SATB1: variants seen among roughly 807,000 people sequenced by gnomAD.
SATB1 encodes the protein DNA-binding protein SATB1.
In SATB1, 11 loss-of-function variants were observed where a neutral mutation model predicts 86.9. The observed-to-expected ratio is 0.13, with a 90% CI of 0.08 to 0.21. The LOEUF (loss-of-function observed/expected upper bound fraction) is 0.21, where lower values mean the gene tolerates loss of function less well. Ranked by LOEUF, SATB1 falls within the 10% of genes least tolerant of loss-of-function variation. The pLI, the probability that SATB1 is intolerant of heterozygous loss-of-function variation, is 1.00. For missense variants in SATB1, 551 were observed against 937.6 expected, an observed-to-expected ratio of 0.59 and a Z score of 5.39; for synonymous variants, 357 against 357.2, an observed-to-expected ratio of 1.00 and a Z score of 0.01.
Position 18,349,175 on chromosome 3 carries a change from C to A in SATB1, c.2287G>T (p.Asp763Tyr). 2 of 1,612,890 alleles carry A rather than the reference C, an allele frequency of 1.2e-6. No homozygotes were observed. Among genetic ancestry groups the A allele is most frequent in the Non-Finnish European group, 1.7e-6 (2 of 1,179,382 alleles). The change falls in exon 11 of 11, where the codon GAC becomes TAC. Residue 763 changes from aspartate to tyrosine, a missense_variant. Asp to Tyr is a radical substitution (Grantham distance 160, BLOSUM62 -3). Coordinates refer to ENST00000338745, the MANE Select transcript of SATB1 (RefSeq NM_002971.6). The surrounding 1 kb of genome is among the most constrained non-coding windows in gnomAD (Gnocchi z 5.5). ...GNTDINTDLK[D>Y] ...ACGAAACAAATACTTTTATCTCAGT[C>A]TTTCAAATCAGTATTAATGTCTGTG... is the stretch of plus-strand genomic sequence containing the variant.
intron 9 of SATB1, among the ~76,000 whole-genome samples, chr3:18,357,308 G>C (rs776539802): frequency 2.6e-5 from 4 of 151,702 alleles, no homozygotes; most frequent in African/African-American, 4.8e-5. Context: ...GCAAGTAGTA[G>C]GAACAAGGAT....
upstream of SATB1, among the ~76,000 whole-genome samples, chr3:18,430,248 A>G (rs138261344): frequency 7.2e-5 from 11 of 152,298 alleles, no homozygotes; most frequent in African/African-American, 1.9e-4. Context: ...CCTGGCCAGG[A>G]GGAGTCTTAG....
chr3:18,442,469 G>A (rs188095195), upstream of SATB1, among the ~76,000 whole-genome samples: 265 of 152,214 alleles, frequency 1.7e-3, 3 homozygotes, highest in African/African-American at 6.0e-3. Flanking sequence ...GTCAAATGAA[G>A]ATGAAGAATA....
intron 8 of SATB1, among the ~76,000 whole-genome samples, chr3:18,382,914 A>C (rs1288070697): frequency 6.6e-6 from 1 of 151,986 alleles, no homozygotes; most frequent in Non-Finnish European, 1.5e-5. Context: ...GGATTTGAAA[A>C]CTCTGACTCA....
At chr3:18,416,494 A>T (rs1698121096) in intron 3 of SATB1, among the ~76,000 whole-genome samples, 2 of 152,160 alleles carry the variant, frequency 1.3e-5, no homozygotes, top group Admixed American at 1.3e-4. Context: ...AGTGGGAATC[A>T]GCATTGAAAA....
intron 9 of SATB1, among the ~76,000 whole-genome samples, chr3:18,359,229 A>G (rs1694794517): frequency 6.6e-6 from 1 of 152,022 alleles, no homozygotes; most frequent in Admixed American, 6.6e-5. Context: ...GGTTTTTCTT[A>G]GGCTACAAAT....
At position 18,363,180 on chromosome 3, in the gene SATB1, A is replaced by T. The variant is rs76923573; in HGVS notation, c.1576-10985T>A. Among the ~76,000 whole-genome samples the T allele has an allele frequency of 2.2e-4, 33 of 152,258 alleles. No individual in the cohort carries two copies. The East Asian group carries it at 6.4e-3, about 29-fold the overall frequency. ...AAAATTTTTAAAAGCAGGGCAAGGCAATTTGGGACTGTAAAAGTTAGGGAA... is the reference window on the plus strand; with the variant it reads ...AAAATTTTTAAAAGCAGGGCAAGGCTATTTGGGACTGTAAAAGTTAGGGAA... On this transcript the variant is annotated intron_variant, in intron 9 of 10. Coordinates refer to ENST00000338745, the MANE Select transcript of SATB1 (RefSeq NM_002971.6).
chr3:18,403,938 T>G (rs1697394493), intron 5 of SATB1, among the ~76,000 whole-genome samples: 2 of 152,054 alleles, frequency 1.3e-5, no homozygotes, highest in Admixed American at 1.3e-4. Context: ...GCCTGATTTT[T>G]TACAGCAGCT....
At chr3:18,358,079 A>AT (rs1374721138) in intron 9 of SATB1, among the ~76,000 whole-genome samples, 2 of 151,946 alleles carry the variant, frequency 1.3e-5, no homozygotes, top group East Asian at 1.9e-4. Context: ...CATCTAGACC[A>AT]TTTTTTGGTG....
intron 2 of SATB1, among the ~76,000 whole-genome samples, chr3:18,419,793 A>G (rs569814000): frequency 6.6e-6 from 1 of 152,348 alleles, no homozygotes; most frequent in Non-Finnish European, 1.5e-5. Context: ...TTTAATAGAT[A>G]AAGATCTAAC....
At chr3:18,422,407 T>C (rs926402555) in intron 1 of SATB1, among the ~76,000 whole-genome samples, 6 of 152,202 alleles carry the variant, frequency 3.9e-5, no homozygotes, top group Non-Finnish European at 5.9e-5. Flanking sequence ...AGAATGCCAA[T>C]TGAAGAACTA....
At chr3:18,396,100 A>T (rs1465876336) in intron 6 of SATB1, among the ~76,000 whole-genome samples, 1 of 152,350 alleles carries the variant, frequency 6.6e-6, no homozygotes, top group African/African-American at 2.4e-5. Flanking sequence ...TCTACCAGTG[A>T]TATCAGCCCA....
chr3:18,351,878 C>T, intron 10 of SATB1, 114 bp downstream of exon 10: 1 of 954,888 alleles, frequency 1.0e-6, no homozygotes, highest in Admixed American at 1.9e-5. Flanking sequence ...ATTGTTATCT[C>T]TTGCTAAAAA....
intron 2 of SATB1, chr3:18,417,588 T>C: frequency 3.1e-6 from 2 of 655,422 alleles, no homozygotes; most frequent in Non-Finnish European, 2.7e-6. Context: ...TTTTAGATAT[T>C]AACTCTAACT....
chr3:18,443,635 G>C, upstream of SATB1, among the ~76,000 whole-genome samples: 1 of 152,160 alleles, frequency 6.6e-6, no homozygotes, highest in East Asian at 1.9e-4. This position sits in a 1 kb window ranked among gnomAD's most constrained non-coding sequence, Gnocchi z 4.4. Flanking sequence ...TCCCCAGTAA[G>C]CACGTGGCAC....
rs75506707 is a variant in SATB1 at position 18,413,172 on chromosome 3, T to C, written c.639+1939A>G. The stretch of plus-strand genomic sequence containing the variant: ...ATGACTCCAAAACCAAGTCCTGAAT[T>C]ACATTTTGTCATTCTACTTAATGTT... On this transcript the variant is annotated intron_variant, in intron 5 of 10. Transcript: ENST00000338745. Among the ~76,000 whole-genome samples the C allele has an allele frequency of 3.0e-3, 455 of 152,184 alleles. 3 individuals carry two copies. The highest frequency in any genetic ancestry group is 0.01 in the African/African-American group (429 of 41,556).
intron 9 of SATB1, among the ~76,000 whole-genome samples, chr3:18,377,482 T>C (rs1695820543): frequency 6.6e-6 from 1 of 152,226 alleles, no homozygotes; most frequent in Non-Finnish European, 1.5e-5. Flanking sequence ...TTGACAGTTA[T>C]GCTGATAAAA....
At chr3:18,399,346 G>A (rs917905639) in intron 5 of SATB1, among the ~76,000 whole-genome samples, 4 of 152,004 alleles carry the variant, frequency 2.6e-5, no homozygotes, top group African/African-American at 9.7e-5. Flanking sequence ...CAAAGATGGC[G>A]GACAGCCTCT....
intron 9 of SATB1, among the ~76,000 whole-genome samples, chr3:18,370,618 G>C (rs1483513910): frequency 1.4e-5 from 2 of 143,490 alleles, no homozygotes; most frequent in African/African-American, 5.1e-5. Context: ...TGCCACTTAA[G>C]ATTCACCTGC....
Sources: gnomAD v4.1 joint callset for allele counts (sites outside exome capture counted in the v4.1 genomes callset) on GRCh38, gnomAD v4.1.1 for gene constraint, Gnocchi (gnomAD v3.1) non-coding constraint, MANE v1.5 for transcripts, NCBI Gene and HGNC (gene_info 2026-07-23, HGNC 2026-07-21) for gene names.